The following ABCC8 variants were observed in gnomAD, a reference collection of about 807,000 sequenced individuals.
The protein encoded by ABCC8 is ATP-binding cassette sub-family C member 8.
In ABCC8, 137 loss-of-function variants were observed where a neutral mutation model predicts 188.0. The ratio of observed to expected loss-of-function variants is 0.73; its 90% CI spans 0.63 to 0.84. The LOEUF is 0.84. ABCC8 is among the 40% of genes least tolerant of loss of function. ABCC8 has a pLI of 0.00. For missense variants in ABCC8, 1,750 were observed against 2,072.7 expected (o/e 0.84, Z 3.02); for synonymous variants, 797 against 846.5 (o/e 0.94, Z 1.01).
At chr11:17,468,622 C>T (rs959187229) in intron 3 of ABCC8, among the ~76,000 whole-genome samples, 1 of 152,308 alleles carries the variant, frequency 6.6e-6, no homozygotes, top group South Asian at 2.1e-4. Context: ...ATAATGGTAC[C>T]TACCTCATAG....
Position 17,443,302 on chromosome 11 carries a change from C to A in ABCC8, c.1343G>T (p.Gly448Val), listed in dbSNP as rs200528170. 6.2e-7 allele frequency: 1 copy of A among 1,614,088 alleles called. No homozygotes were observed. Among genetic ancestry groups the A allele is most frequent in the Non-Finnish European group, 8.5e-7 (1 of 1,180,034 alleles). ...LWAMPVQIIVGVILLYYILGV... is the reference protein window; with the variant it reads ...LWAMPVQIIVVVILLYYILGV... ...GAGTATGTAGTAGAGGAGAATCACA[C>A]CCACAATGATCTGAGGAAGGGGTCA... is the stretch of plus-strand genomic sequence containing the variant. The change falls in exon 9 of 39, where the codon GGT becomes GTT. Residue 448 changes from glycine (G) to valine (V), a missense_variant. Physicochemically the swap from Gly to Val is moderately radical, Grantham distance 109. Coordinates refer to ENST00000389817, the MANE Select transcript of ABCC8 (RefSeq NM_000352.6).
At chr11:17,438,506 A>G (rs1956193116) in intron 10 of ABCC8, among the ~76,000 whole-genome samples, 1 of 152,190 alleles carries the variant, frequency 6.6e-6, no homozygotes, top group African/African-American at 2.4e-5. Flanking sequence ...TGGAATGGGT[A>G]TCTCACAATG....
rs760684989 is a variant in ABCC8, at chr11:17,415,314, A to G, written c.2281T>C (p.Leu761=). The change falls in exon 18 of 39, where the codon TTG becomes CTG. Residue 761 remains leucine, a synonymous_variant. Coordinates refer to ENST00000389817, the MANE Select transcript of ABCC8 (RefSeq NM_000352.6). ...CCCAGGACGCAGTACCTGATATCCA[A>G]GTCGGTCGCTGTCTCCCGCTCTGGG... ...PSPERETATD[L]DIRKRGPVAY... is the part of the protein sequence containing the mutation. 1 of 1,610,332 alleles carries G rather than the reference A, an allele frequency of 6.2e-7. No homozygotes were observed. Among genetic ancestry groups the G allele is most frequent in the East Asian group, 2.2e-5 (1 of 44,802 alleles).
intron 10 of ABCC8, among the ~76,000 whole-genome samples, chr11:17,442,455 C>G (rs1482403326): frequency 6.6e-6 from 1 of 152,256 alleles, no homozygotes; most frequent in Non-Finnish European, 1.5e-5. Flanking sequence ...AACTTCATCT[C>G]TCTTCCTCAT....
chr11:17,412,613 G>A, intron 21 of ABCC8, 53 bp downstream of exon 21: 1 of 1,580,460 alleles, frequency 6.3e-7, no homozygotes, highest in East Asian at 2.3e-5. Context: ...GAGGTGGGCA[G>A]TTAGGCCTGG....
In ABCC8 at chr11:17,398,344, G is replaced by A. The variant is rs1057516281; in HGVS notation, c.3748C>T (p.Arg1250Ter). The A allele has an allele frequency of 5.0e-6, 8 of 1,613,970 alleles. No individual in the cohort carries two copies. The highest frequency in any genetic ancestry group is 1.3e-5 in the African/African-American group (1 of 74,902). Residue 1250 changes from arginine to a stop codon, truncating the protein, a stop_gained, in exon 30 of 39, where the codon CGA becomes TGA. Transcript: ENST00000389817. LOFTEE classifies it high-confidence loss of function. ...LTAANRWLEV[R>*]MEYIGACVVL... is the part of the protein sequence containing the mutation. ...TAGAGGGGAATAGCACTTGCCATTC[G>A]GACTTCCAGCCATCTGTTGGCAGCT...
In ABCC8 at chr11:17,416,765, T is replaced by C. The variant is rs540671302; in HGVS notation, c.2255+165A>G. ...GTGTTTTCTGTCCCCAAGAACCAAA[T>C]TTTGCCCTCATTGAGAATGCAGGCC... On this transcript the variant is annotated intron_variant, in intron 17 of 38. Coordinates refer to ENST00000389817, the MANE Select transcript of ABCC8 (RefSeq NM_000352.6). Among the ~76,000 whole-genome samples, 12 of 152,284 alleles carry C rather than the reference T, an allele frequency of 7.9e-5. No homozygotes were observed. In the South Asian group the frequency reaches 2.1e-3, roughly 26 times the overall value.
intron 10 of ABCC8, among the ~76,000 whole-genome samples, chr11:17,439,084 C>T (rs569474908): frequency 3.3e-5 from 5 of 152,348 alleles, no homozygotes; most frequent in Non-Finnish European, 5.9e-5. Flanking sequence ...CCCTTCCCTC[C>T]TTCCTGGTGC....
At chr11:17,450,298 CTT>C (rs1956732137) in intron 7 of ABCC8, among the ~76,000 whole-genome samples, 4 of 134,108 alleles carry the variant, frequency 3.0e-5, no homozygotes, top group Non-Finnish European at 6.2e-5. Context: ...TTCTTTCTTT[CTT>C]TCTTTCTTTC....
At chr11:17,397,340 A>T (rs1299086640) in intron 31 of ABCC8, 27 bp from the exon 32 acceptor site, 2 of 1,606,374 alleles carry the variant, frequency 1.2e-6, no homozygotes, top group South Asian at 2.2e-5. Flanking sequence ...AGTGGCGCAC[A>T]CTCCATGGTC....
chr11:17,471,001 C>G (rs1397278008), intron 2 of ABCC8, among the ~76,000 whole-genome samples: 1 of 152,240 alleles, frequency 6.6e-6, no homozygotes, highest in African/African-American at 2.4e-5. Flanking sequence ...TCTGCTCAGC[C>G]TGGAACGAAA....
At chr11:17,395,036 A>G in intron 36 of ABCC8, 136 bp downstream of exon 36, 4 of 1,149,612 alleles carry the variant, frequency 3.5e-6, no homozygotes, top group Non-Finnish European at 3.8e-6. Flanking sequence ...CCGTATAGTG[A>G]GAAGTAGGAC....
chr11:17,444,021 A>AAGAG (rs112019394), intron 8 of ABCC8, among the ~76,000 whole-genome samples: 3 of 150,858 alleles, frequency 2.0e-5, no homozygotes, highest in African/African-American at 4.9e-5. Context: ...CTTAGCTAAA[A>AAGAG]AGAGAGAGAG....
intron 18 of ABCC8, 78 bp downstream of exon 18, chr11:17,415,226 G>T: frequency 6.4e-7 from 1 of 1,554,478 alleles, no homozygotes; most frequent in Non-Finnish European, 8.7e-7. Context: ...TGCCCAGCAG[G>T]GTGATGTGGC....
chr11:17,411,961 C>T (rs945656010), intron 21 of ABCC8, among the ~76,000 whole-genome samples: 19 of 147,150 alleles, frequency 1.3e-4, no homozygotes, highest in Non-Finnish European at 1.5e-4. Context: ...GGTGCGATCT[C>T]GGCTCGCTGC....
intron 10 of ABCC8, 200 bp from the exon 11 acceptor site, chr11:17,432,444 C>G: frequency 8.8e-7 from 1 of 1,140,576 alleles, no homozygotes; most frequent in Non-Finnish European, 1.2e-6. Flanking sequence ...GTCCCAGGTA[C>G]CCCGGCCCCC....
Position 17,475,008 on chromosome 11 carries a change from G to A in ABCC8, c.168C>T (p.Ser56=), listed in dbSNP as rs1848683459. ...ATGTGCTGTGGTGGATGTGCACCTT[G>A]GAGCTCTGACTTCCCCATCCTGCAG... ...ILFIGWGSQS[S]KVHIHHSTWL... is the part of the protein sequence containing the mutation. Residue 56 remains serine (S), a synonymous_variant, in exon 2 of 39, where the codon TCC becomes TCT. Coordinates refer to ENST00000389817, the MANE Select transcript of ABCC8 (RefSeq NM_000352.6). 1 of 1,614,158 alleles carries A rather than the reference G, an allele frequency of 6.2e-7. No individual in the cohort carries two copies. Among genetic ancestry groups the A allele is most frequent in the East Asian group, 2.2e-5 (1 of 44,874 alleles).
intron 20 of ABCC8, 185 bp from the exon 21 acceptor site, chr11:17,412,931 T>A: frequency 7.5e-7 from 1 of 1,331,652 alleles, no homozygotes; most frequent in Non-Finnish European, 1.0e-6. Flanking sequence ...GAGGGCAGCA[T>A]GAGCCCCAAG....
At chr11:17,436,133 G>A in intron 10 of ABCC8, 2 of 775,352 alleles carry the variant, frequency 2.6e-6, no homozygotes, top group East Asian at 2.5e-5. Context: ...GGGCTAAAGT[G>A]GGCTCGGAGG....
Sources: allele counts gnomAD v4.1 joint callset (sites outside exome capture counted in the v4.1 genomes callset), GRCh38; gene constraint gnomAD v4.1.1; transcripts MANE v1.5; gene names NCBI Gene and HGNC (gene_info 2026-07-23, HGNC 2026-07-21).